The following PRUNE2 variants were observed in gnomAD, a reference collection of about 807,000 sequenced individuals.
The protein encoded by PRUNE2 is protein prune homolog 2.
PRUNE2 carries 164 observed loss-of-function variants against 252.0 expected under a neutral mutation model. That is an observed-to-expected ratio of 0.65 (90% CI 0.57 to 0.74). The LOEUF is 0.74. Ranked by LOEUF, PRUNE2 falls within the 30% of genes least tolerant of loss-of-function variation. The pLI is 0.00. For synonymous variants in PRUNE2, 1,292 were observed against 1,350.2 expected, an observed-to-expected ratio of 0.96 and a Z score of 0.94; for missense variants, 3,495 against 3,711.0, an observed-to-expected ratio of 0.94 and a Z score of 1.51.
rs1292539918 is a variant in PRUNE2 at position 76,709,996 on chromosome 9, G to A, written c.2278C>T (p.His760Tyr). ...AAAGAAGCAAAGTCTTCTATCAGGTGGTTTGTTCCTTGGGGAGATGTATTT... is the reference window on the plus strand; with the variant it reads ...AAAGAAGCAAAGTCTTCTATCAGGTAGTTTGTTCCTTGGGGAGATGTATTT... ...LPNTSPQGTN[H>Y]LIEDFASLWH... The change falls in exon 8 of 19, where the codon CAC (histidine) becomes TAC (tyrosine). Residue 760 changes from histidine to tyrosine, a missense_variant. By Grantham distance (83) the His-to-Tyr change is moderately conservative. Transcript: ENST00000376718. 1 of 1,613,588 alleles carries A rather than the reference G, an allele frequency of 6.2e-7. No homozygotes were observed. Among genetic ancestry groups the A allele is most frequent in the African/African-American group, 1.3e-5 (1 of 74,908 alleles).
At chr9:76,801,493 T>C (rs2131574355) in intron 6 of PRUNE2, among the ~76,000 whole-genome samples, 1 of 151,836 alleles carries the variant, frequency 6.6e-6, no homozygotes, top group South Asian at 2.1e-4. Context: ...GGCCTTTTTT[T>C]TGAAATGAGC....
intron 6 of PRUNE2, among the ~76,000 whole-genome samples, chr9:76,807,020 A>ATATGTGTGTG (rs2056993474): frequency 7.1e-6 from 1 of 140,402 alleles, no homozygotes; most frequent in African/African-American, 2.7e-5. Context: ...ACCTCATACA[A>ATATGTGTGTG]TGTGTGTGTG....
rs542169995 is a variant in PRUNE2 at position 76,756,893 on chromosome 9, T to G, written c.757-43172A>C. Among the ~76,000 whole-genome samples, 1,042 of 152,000 alleles carry G rather than the reference T, an allele frequency of 6.9e-3. 8 individuals carry two copies. Among genetic ancestry groups the G allele is most frequent in the Non-Finnish European group, 9.9e-3 (674 of 67,978 alleles). On this transcript the variant is annotated intron_variant, in intron 6 of 18. Coordinates refer to ENST00000376718, the MANE Select transcript of PRUNE2 (RefSeq NM_015225.3). The stretch of plus-strand genomic sequence containing the variant: ...TAAACTGCAGTATTTGCAGCATTTT[T>G]GGGGGGCTGGAATAGCCAATGCAAG...
chr9:76,624,886 G>A (rs1322560081), intron 16 of PRUNE2: 10 of 489,310 alleles, frequency 2.0e-5, no homozygotes, highest in Non-Finnish European at 3.3e-5. Context: ...TTTACACACA[G>A]GACAAAGACT....
chr9:76,700,761 T>G (rs1435946782), intron 9 of PRUNE2, among the ~76,000 whole-genome samples: 1 of 152,230 alleles, frequency 6.6e-6, no homozygotes, highest in Non-Finnish European at 1.5e-5. Context: ...TGACAGAGAA[T>G]AAGCCATTCC....
chr9:76,649,302 T>C (rs1450885798), intron 11 of PRUNE2, among the ~76,000 whole-genome samples: 1 of 152,180 alleles, frequency 6.6e-6, no homozygotes, highest in African/African-American at 2.4e-5. Context: ...TCAAAGAGTA[T>C]GATTATTCTA....
intron 6 of PRUNE2, chr9:76,736,651 A>G (rs2049102343): frequency 6.6e-6 from 1 of 152,220 alleles, no homozygotes. Flanking sequence ...TATAAGGGCA[A>G]TAATCCCACT....
At position 76,687,723 on chromosome 9, in the gene PRUNE2, T is replaced by G. The variant is rs1038010323; in HGVS notation, c.8276+15614A>C. ...GTGTTAGCCTCGGGGGAGGCTGTAT[T>G]ACAAAAAGAATGGATCAGAGACACA... On this transcript the variant is annotated intron_variant, in intron 9 of 18. Coordinates refer to ENST00000376718, the MANE Select transcript of PRUNE2 (RefSeq NM_015225.3). The G allele has an allele frequency of 1.5e-5, 4 of 263,442 alleles. No individual in the cohort carries two copies. In the East Asian group the frequency reaches 4.1e-4, roughly 27 times the overall value. The allele number at this position is 263,442 out of a possible 1,614,324, so 16.3% of individuals were successfully genotyped here. A position where few individuals can be genotyped will look rare whatever the true frequency, so the allele number is the denominator to read the frequency against.
intron 6 of PRUNE2, among the ~76,000 whole-genome samples, chr9:76,716,023 C>T (rs184694107): frequency 2.0e-5 from 3 of 152,228 alleles, no homozygotes; most frequent in African/African-American, 7.2e-5. Context: ...TTTATAAACC[C>T]TTGAAAGAAG....
intron 2 of PRUNE2, among the ~76,000 whole-genome samples, chr9:76,853,606 A>T (rs1484867487): frequency 6.6e-6 from 1 of 152,152 alleles, no homozygotes; most frequent in Non-Finnish European, 1.5e-5. Flanking sequence ...ACAAGGCAAA[A>T]CCAAACAAGG....
intron 16 of PRUNE2, among the ~76,000 whole-genome samples, chr9:76,626,735 G>A (rs1270901382): frequency 1.3e-5 from 2 of 152,182 alleles, no homozygotes; most frequent in African/African-American, 4.8e-5. Context: ...ATTCTGGATT[G>A]CGAACTCTGT....
At chr9:76,810,273 C>G (rs2057268364) in intron 6 of PRUNE2, among the ~76,000 whole-genome samples, 1 of 152,022 alleles carries the variant, frequency 6.6e-6, no homozygotes, top group African/African-American at 2.4e-5. Flanking sequence ...AATAACAGAC[C>G]TATTTCAAAG....
At chr9:76,762,168 G>A (rs530608832) in intron 6 of PRUNE2, among the ~76,000 whole-genome samples, 27 of 152,310 alleles carry the variant, frequency 1.8e-4, no homozygotes, top group African/African-American at 6.5e-4. Flanking sequence ...GTCACCAACA[G>A]TTTCCTTCTG....
intron 6 of PRUNE2, among the ~76,000 whole-genome samples, chr9:76,816,490 T>C (rs1193004200): frequency 6.6e-6 from 1 of 152,182 alleles, no homozygotes; most frequent in African/African-American, 2.4e-5. Context: ...CTCAAGAAGC[T>C]AGGAATTATC....
intron 1 of PRUNE2, among the ~76,000 whole-genome samples, chr9:76,883,646 A>G (rs1203623020): frequency 6.6e-6 from 1 of 152,236 alleles, no homozygotes; most frequent in South Asian, 2.1e-4. Flanking sequence ...GAGGAATTTC[A>G]GACACAAGGA....
intron 6 of PRUNE2, among the ~76,000 whole-genome samples, chr9:76,775,973 A>G (rs182805196): frequency 2.0e-5 from 3 of 152,192 alleles, no homozygotes; most frequent in Non-Finnish European, 4.4e-5. Context: ...AAATTCCAGC[A>G]TTTTCTGGTG....
At position 76,703,908 on chromosome 9, in the gene PRUNE2, T is replaced by A. The variant is rs41288767; in HGVS notation, c.7705A>T (p.Arg2569Ter). The change falls in exon 9 of 19, where the codon AGA becomes TGA. Residue 2569 changes from arginine to a stop codon, truncating the protein, a stop_gained. Coordinates refer to ENST00000376718, the MANE Select transcript of PRUNE2 (RefSeq NM_015225.3). LOFTEE classifies it high-confidence loss of function. ...AATTCTAATTCAGCTATGCTTTCTC[T>A]TTCTTCACAGGTCTCTGGCTTTGAG... ...SHSKPETCEE[R>*]ESIAELELYV... The A allele has an allele frequency of 4.3e-6, 7 of 1,613,728 alleles. No individual in the cohort carries two copies. The highest frequency in any genetic ancestry group is 5.9e-6 in the Non-Finnish European group (7 of 1,179,864).
At chr9:76,616,047 C>A (rs1303228614) in intron 18 of PRUNE2, among the ~76,000 whole-genome samples, 1 of 113,042 alleles carries the variant, frequency 8.8e-6, no homozygotes, top group African/African-American at 3.7e-5. Context: ...GGATTACAGG[C>A]ATGAGCCAGC....
intron 6 of PRUNE2, among the ~76,000 whole-genome samples, chr9:76,811,600 C>T (rs1197554936): frequency 2.0e-5 from 3 of 152,120 alleles, no homozygotes; most frequent in African/African-American, 7.2e-5. Context: ...GAGTAAAAGG[C>T]CAACTTATCT....
Sources: gnomAD v4.1 joint callset for allele counts (sites outside exome capture counted in the v4.1 genomes callset) on GRCh38, gnomAD v4.1.1 for gene constraint, MANE v1.5 for transcripts, NCBI Gene and HGNC (gene_info 2026-07-23, HGNC 2026-07-21) for gene names.